Variants in MAN1A1 observed in about 807,000 individuals in gnomAD.
MAN1A1 encodes the protein mannosyl-oligosaccharide 1,2-alpha-mannosidase IA.
MAN1A1 carries 29 observed loss-of-function variants against 70.8 expected under a neutral mutation model. The ratio of observed to expected loss-of-function variants is 0.41; its 90% confidence interval spans 0.31 to 0.56. The LOEUF (loss-of-function observed/expected upper bound fraction) is 0.56, where lower values mean the gene tolerates loss of function less well. Among genes scored for constraint, MAN1A1 ranks in the 20% least tolerant of loss-of-function variants. MAN1A1 has a pLI of 0.29. For synonymous variants in MAN1A1, 349 were observed against 330.1 expected, an observed-to-expected ratio of 1.06 and a Z score of -0.62; for missense variants, 747 against 841.3, an observed-to-expected ratio of 0.89 and a Z score of 1.39.
intron 6 of MAN1A1, among the ~76,000 whole-genome samples, chr6:119,241,192 G>C (rs952540518): frequency 6.6e-6 from 1 of 152,158 alleles, no homozygotes; most frequent in African/African-American, 2.4e-5. Context: ...TGCAAACTCT[G>C]TTTGGGTAAT....
At chr6:119,214,116 C>T (rs987456383) in intron 6 of MAN1A1, among the ~76,000 whole-genome samples, 2 of 152,066 alleles carry the variant, frequency 1.3e-5, no homozygotes, top group Non-Finnish European at 2.9e-5. Flanking sequence ...AGGCGTGCAC[C>T]ACAGCACCTG....
chr6:119,276,499 GAA>G (rs1329851501), intron 5 of MAN1A1, among the ~76,000 whole-genome samples: 12 of 152,178 alleles, frequency 7.9e-5, no homozygotes, highest in African/African-American at 2.9e-4. Flanking sequence ...ATGATAGAGA[GAA>G]GTCTACTATA....
intron 2 of MAN1A1, among the ~76,000 whole-genome samples, chr6:119,321,789 T>C (rs1773015319): frequency 6.6e-6 from 1 of 151,868 alleles, no homozygotes; most frequent in African/African-American, 2.4e-5. Context: ...CGCTAATTTT[T>C]AGTATTTTTA....
chr6:119,302,384 CTCTT>C (rs1772415369), intron 3 of MAN1A1, among the ~76,000 whole-genome samples: 1 of 151,554 alleles, frequency 6.6e-6, no homozygotes, highest in African/African-American at 2.4e-5. Flanking sequence ...TGCATTCTCT[CTCTT>C]TTTTTTTTTT....
At chr6:119,263,125 C>T (rs1237518625) in intron 5 of MAN1A1, among the ~76,000 whole-genome samples, 1 of 152,078 alleles carries the variant, frequency 6.6e-6, no homozygotes, top group Non-Finnish European at 1.5e-5. Flanking sequence ...GTTCTCCTTG[C>T]TCCTTATCTT....
intron 6 of MAN1A1, among the ~76,000 whole-genome samples, chr6:119,231,886 A>C (rs1043179966): frequency 1.3e-5 from 2 of 152,230 alleles, no homozygotes; most frequent in African/African-American, 4.8e-5. Flanking sequence ...CCAGGCAAGA[A>C]AGGTGCTATG....
intron 6 of MAN1A1, among the ~76,000 whole-genome samples, chr6:119,220,255 C>T (rs1774322817): frequency 6.6e-6 from 1 of 151,970 alleles, no homozygotes; most frequent in South Asian, 2.1e-4. Context: ...CACCAGTGAA[C>T]CCACTGGTAA....
intron 2 of MAN1A1, among the ~76,000 whole-genome samples, chr6:119,323,917 A>C (rs1344370886): frequency 6.6e-6 from 1 of 152,226 alleles, no homozygotes; most frequent in Non-Finnish European, 1.5e-5. Context: ...AATATTCAGA[A>C]ATAAAAATAA....
intron 9 of MAN1A1, among the ~76,000 whole-genome samples, chr6:119,192,796 A>G (rs1014567937): frequency 6.6e-6 from 1 of 152,190 alleles, no homozygotes. Flanking sequence ...CCACTAAAAA[A>G]TTTTGTTCCT....
At position 119,338,706 on chromosome 6, in the gene MAN1A1, G is replaced by A. The variant is rs17081044; in HGVS notation, c.603+9757C>T. Among the ~76,000 whole-genome samples, 892 of 152,324 alleles carry A rather than the reference G, an allele frequency of 5.9e-3. 30 individuals are homozygous for A. The East Asian group carries it at 0.09, about 15-fold the overall frequency. On this transcript the variant is annotated intron_variant, in intron 2 of 12. Coordinates refer to ENST00000368468, the MANE Select transcript of MAN1A1 (RefSeq NM_005907.4). ...AGGTCAATACCTTCCTCAAGTATCT[G>A]AGGCAAAATCCCAACTGTCACTTAA...
rs1477844742 is a variant in MAN1A1, at chr6:119,349,028, G to A, written c.38C>T (p.Pro13Leu). 2 of 1,357,320 alleles carry A rather than the reference G, an allele frequency of 1.5e-6. No individual in the cohort carries two copies. The highest frequency in any genetic ancestry group is 1.9e-6 in the Non-Finnish European group (2 of 1,051,340). 84.1% of individuals were successfully genotyped at this position (1,357,320 alleles called of 1,614,324 possible). Residue 13 changes from proline to leucine, a missense_variant, in exon 2 of 13, where the codon CCC becomes CTC. By Grantham distance (98) the Pro-to-Leu change is moderately conservative. Coordinates refer to ENST00000368468, the MANE Select transcript of MAN1A1 (RefSeq NM_005907.4). ...VGGLLPLFSS[P>L]AGGVLGGGLG... ...CCCCCCGCCCAGGACGCCGCCCGCG[G>A]GGCTGCTGAAGAGCGGCAACAGGCC...
At chr6:119,265,682 T>C (rs539197806) in intron 5 of MAN1A1, among the ~76,000 whole-genome samples, 1 of 152,152 alleles carries the variant, frequency 6.6e-6, no homozygotes, top group East Asian at 1.9e-4. Context: ...AAAATCATAA[T>C]ACGGTGAGAA....
intron 2 of MAN1A1, among the ~76,000 whole-genome samples, chr6:119,345,697 A>C (rs531978823): frequency 2.6e-5 from 4 of 152,318 alleles, no homozygotes; most frequent in African/African-American, 9.6e-5. Flanking sequence ...TAACAGGTTG[A>C]CTCAAATTAC....
At chr6:119,299,021 C>T in intron 4 of MAN1A1, among the ~76,000 whole-genome samples, 1 of 147,058 alleles carries the variant, frequency 6.8e-6, no homozygotes. Context: ...TATAATTTTT[C>T]TTTTTTTTTT....
intron 5 of MAN1A1, among the ~76,000 whole-genome samples, chr6:119,289,680 AG>A (rs1452264336): frequency 6.6e-6 from 1 of 152,004 alleles, no homozygotes; most frequent in Non-Finnish European, 1.5e-5. Flanking sequence ...AAAAGATCTA[AG>A]GTAGAATAAA....
intron 5 of MAN1A1, among the ~76,000 whole-genome samples, chr6:119,283,605 G>C (rs1287414718): frequency 6.6e-6 from 1 of 152,018 alleles, no homozygotes; most frequent in African/African-American, 2.4e-5. Context: ...GGCCTCGGAG[G>C]GGCTGTATCT....
At chr6:119,305,150 A>C (rs936747517) in intron 3 of MAN1A1, among the ~76,000 whole-genome samples, 2 of 152,152 alleles carry the variant, frequency 1.3e-5, no homozygotes, top group African/African-American at 4.8e-5. Flanking sequence ...GATTATGAAA[A>C]GTGTTTTTTA....
chr6:119,308,103 G>A (rs1389306748), intron 2 of MAN1A1, among the ~76,000 whole-genome samples: 1 of 152,076 alleles, frequency 6.6e-6, no homozygotes, highest in Non-Finnish European at 1.5e-5. Context: ...ACCAATTCTT[G>A]CTACAACCCT....
In MAN1A1 at chr6:119,300,072, A is replaced by G. The variant is rs534585722; in HGVS notation, c.816+1916T>C. Among the ~76,000 whole-genome samples the G allele has an allele frequency of 3.9e-4, 59 of 152,316 alleles. No homozygotes were observed. In the Middle Eastern group the frequency reaches 0.01, roughly 26 times the overall value. ...CTATTCATAAGTCAAGTGTTACTAA[A>G]GTATGCTTTCCAGTTTTCCATCATT... On this transcript the variant is annotated intron_variant, in intron 4 of 12. Transcript: ENST00000368468.
Sources: gnomAD v4.1 joint callset for allele counts (sites outside exome capture counted in the v4.1 genomes callset) on GRCh38, gnomAD v4.1.1 for gene constraint, MANE v1.5 for transcripts, NCBI Gene and HGNC (gene_info 2026-07-23, HGNC 2026-07-21) for gene names.